The following TOX2 variants were observed in gnomAD, a reference collection of about 807,000 sequenced individuals.
TOX2 encodes the protein granulosa cell HMG box 1.
Under a neutral mutation model 47.4 loss-of-function variants are expected in TOX2, and 15 were observed. The observed-to-expected ratio is 0.32, with a 90% CI of 0.21 to 0.49. The LOEUF is 0.49. Ranked by LOEUF, TOX2 falls within the 20% of genes least tolerant of loss-of-function variation. The pLI, the probability that TOX2 is intolerant of heterozygous loss-of-function variation, is 0.99. For missense variants in TOX2, 622 were observed against 673.1 expected, an observed-to-expected ratio of 0.92 and a Z score of 0.84; for synonymous variants, 290 against 296.6, an observed-to-expected ratio of 0.98 and a Z score of 0.23.
intron 1 of TOX2, among the ~76,000 whole-genome samples, chr20:43,954,980 A>G (rs1320275056): frequency 6.6e-6 from 1 of 152,116 alleles, no homozygotes; most frequent in African/African-American, 2.4e-5. Context: ...CTTATCTACA[A>G]TCCAAAAAGC....
intron 3 of TOX2, among the ~76,000 whole-genome samples, chr20:44,028,025 C>T (rs904244415): frequency 1.3e-5 from 2 of 152,258 alleles, no homozygotes; most frequent in Middle Eastern, 3.4e-3. Flanking sequence ...GCACCAGCCA[C>T]GGTTCCCTCT....
chr20:44,059,207 A>G (rs1247347292), intron 5 of TOX2, among the ~76,000 whole-genome samples: 2 of 152,216 alleles, frequency 1.3e-5, no homozygotes, highest in African/African-American at 4.8e-5. Flanking sequence ...TGAAGGACAC[A>G]CTTAGAGAAA....
At chr20:43,953,873 C>T (rs1397128649) in intron 1 of TOX2, among the ~76,000 whole-genome samples, 1 of 152,126 alleles carries the variant, frequency 6.6e-6, no homozygotes, top group East Asian at 1.9e-4. Context: ...CTGTCTTTGT[C>T]CTCCCATCTT....
chr20:44,015,813 G>A (rs1346334916), intron 3 of TOX2, among the ~76,000 whole-genome samples: 1 of 151,998 alleles, frequency 6.6e-6, no homozygotes, highest in Non-Finnish European at 1.5e-5. Context: ...CATCCCTCAT[G>A]CTTAATTTAG....
intron 2 of TOX2, among the ~76,000 whole-genome samples, chr20:43,987,071 A>T (rs2070280477): frequency 6.6e-6 from 1 of 152,206 alleles, no homozygotes; most frequent in South Asian, 2.1e-4. Flanking sequence ...CTTAAAAAAA[A>T]GTTTATAGGA....
chr20:44,051,708 G>A lies in TOX2; in HGVS notation c.651+163G>A, dbSNP rs540209688. ...CCACTGAGCAGGCGTTCCTGGTGGC[G>A]GTTGGGATGTCCGCCACAGAGCTCA... On this transcript the variant is annotated intron_variant, in intron 4 of 8. Coordinates refer to ENST00000341197, the MANE Select transcript of TOX2 (RefSeq NM_001098797.2). 6.6e-5 allele frequency among the ~76,000 whole-genome samples: 10 copies of A among 152,308 alleles called. No individual in the cohort carries two copies. The South Asian group carries it at 8.3e-4, about 13-fold the overall frequency.
intron 4 of TOX2, among the ~76,000 whole-genome samples, chr20:44,053,566 TACAC>T (rs895725536): frequency 7.0e-6 from 1 of 141,918 alleles, no homozygotes; most frequent in Non-Finnish European, 1.5e-5. Context: ...ATACTATATA[TACAC>T]ACACATATAT....
At chr20:43,943,862 G>T (rs1600667596) in intron 1 of TOX2, among the ~76,000 whole-genome samples, 1 of 151,834 alleles carries the variant, frequency 6.6e-6, no homozygotes. Context: ...GGAGAGCCAT[G>T]ATTTATCCAA....
intron 1 of TOX2, among the ~76,000 whole-genome samples, chr20:43,968,211 A>G (rs2069895339): frequency 6.6e-6 from 1 of 151,954 alleles, no homozygotes; most frequent in Non-Finnish European, 1.5e-5. Context: ...CCTCCTTTCC[A>G]TCCATTCATC....
At chr20:43,965,127 A>G (rs2069827530) in intron 1 of TOX2, among the ~76,000 whole-genome samples, 1 of 152,178 alleles carries the variant, frequency 6.6e-6, no homozygotes, top group Non-Finnish European at 1.5e-5. Context: ...GGTTTGGGGA[A>G]GCATGGGGTC....
In TOX2 at chr20:44,051,495, C is replaced by T; in HGVS notation, c.601C>T (p.Pro201Ser). 3 of 1,612,202 alleles carry T rather than the reference C, an allele frequency of 1.9e-6. No homozygotes were observed. The highest frequency in any genetic ancestry group is 2.5e-6 in the Non-Finnish European group (3 of 1,178,882). The stretch of plus-strand genomic sequence containing the variant: ...ACCGCCGGGGAGCAAGTCAGCGACC[C>T]CCTCTCCCTCCAGCTCCACTCAGGA... ...PSPPGSKSAT[P>S]SPSSSTQEEE... The change falls in exon 4 of 9, where the codon CCC becomes TCC. Residue 201 changes from proline to serine, a missense_variant. Physicochemically the swap from Pro to Ser is moderately conservative, Grantham distance 74. Transcript: ENST00000341197.
rs906555409 is a variant in TOX2, at chr20:43,950,855, C to A, written c.100-22512C>A. Among the ~76,000 whole-genome samples, 3 of 152,066 alleles carry A rather than the reference C, an allele frequency of 2.0e-5. No homozygotes were observed. The South Asian group carries it at 6.2e-4, about 32-fold the overall frequency. Reference sequence around the variant, plus strand: ...CAGGGGTCTTTGTTCACTGCTGTCTCCCAGGATCCCAGAATAGTGCCTGGC... The same window carrying A: ...CAGGGGTCTTTGTTCACTGCTGTCTACCAGGATCCCAGAATAGTGCCTGGC... On this transcript the variant is annotated intron_variant, in intron 1 of 8. Coordinates refer to ENST00000341197, the MANE Select transcript of TOX2 (RefSeq NM_001098797.2).
chr20:43,992,176 G>A (rs964229425), intron 2 of TOX2, among the ~76,000 whole-genome samples: 2 of 152,194 alleles, frequency 1.3e-5, no homozygotes, highest in African/African-American at 4.8e-5. Flanking sequence ...CCCGCAGTGG[G>A]AGTGTGCCTG....
At chr20:43,949,452 TTGTCTTTTG>T (rs1416805233) in intron 1 of TOX2, among the ~76,000 whole-genome samples, 1 of 152,190 alleles carries the variant, frequency 6.6e-6, no homozygotes. Context: ...CTGTGGTTGG[TTGTCTTTTG>T]TAATCAGCTG....
intron 1 of TOX2, among the ~76,000 whole-genome samples, chr20:43,964,794 C>T (rs2069822216): frequency 6.6e-6 from 1 of 152,136 alleles, no homozygotes; most frequent in South Asian, 2.1e-4. Flanking sequence ...GATGGCTGGT[C>T]ACAGCTCTGG....
At chr20:44,003,273 A>G (rs1301015162) in intron 2 of TOX2, among the ~76,000 whole-genome samples, 3 of 150,644 alleles carry the variant, frequency 2.0e-5, no homozygotes, top group South Asian at 2.1e-4. Flanking sequence ...TTCAGCCTTG[A>G]CATCCTGGGC....
At chr20:44,033,245 T>A (rs1445004459) in intron 3 of TOX2, among the ~76,000 whole-genome samples, 1 of 146,954 alleles carries the variant, frequency 6.8e-6, no homozygotes, top group Non-Finnish European at 1.5e-5. Context: ...TTGTGCTAGA[T>A]TTTTTTTTTC....
chr20:44,054,658 G>A (rs1216953941), intron 5 of TOX2, 132 bp downstream of exon 5: 1 of 998,530 alleles, frequency 1.0e-6, no homozygotes, highest in African/African-American at 1.6e-5. Context: ...CCTGGGCTCA[G>A]GTTGCCCATC....
intron 5 of TOX2, among the ~76,000 whole-genome samples, chr20:44,057,864 G>GTT (rs1055064784): frequency 1.3e-4 from 20 of 152,226 alleles, no homozygotes; most frequent in African/African-American, 4.3e-4. Flanking sequence ...GCTTCTGGGA[G>GTT]TTGGATGGCT....
Sources: allele counts gnomAD v4.1 joint callset (sites outside exome capture counted in the v4.1 genomes callset), GRCh38; gene constraint gnomAD v4.1.1; transcripts MANE v1.5; gene names NCBI Gene and HGNC (gene_info 2026-07-23, HGNC 2026-07-21).